Variants in CMSS1 observed in about 807,000 individuals in gnomAD.
CMSS1 encodes cms1 ribosomal small subunit homolog.
CMSS1 carries 33 observed loss-of-function variants against 43.5 expected under a neutral mutation model. The ratio of observed to expected loss-of-function variants is 0.76; its 90% confidence interval spans 0.57 to 1.01. CMSS1 has a LOEUF of 1.01. CMSS1 is among the 50% of genes least tolerant of loss of function. The pLI is 0.00. For missense variants in CMSS1, 313 were observed against 326.4 expected (o/e 0.96, Z 0.32); for synonymous variants, 115 against 117.2 (o/e 0.98, Z 0.12).
chr3:99,993,466 T>A (rs1709583526), intron 1 of CMSS1, among the ~76,000 whole-genome samples: 2 of 152,212 alleles, frequency 1.3e-5, no homozygotes, highest in South Asian at 4.1e-4. Context: ...GAATGCCTCT[T>A]ATTTCTTTCT....
chr3:100,068,623 GT>G (rs893727737), intron 1 of CMSS1, among the ~76,000 whole-genome samples: 3 of 152,032 alleles, frequency 2.0e-5, no homozygotes, highest in African/African-American at 7.2e-5. Flanking sequence ...TGAAACAATA[GT>G]TTTTTTGTTT....
intron 1 of CMSS1, among the ~76,000 whole-genome samples, chr3:99,855,970 C>A (rs370840732): frequency 7.4e-4 from 112 of 152,324 alleles, no homozygotes; most frequent in African/African-American, 2.6e-3. Context: ...AAATACATAT[C>A]CCTCTGGTAC....
rs999936582 is a variant in CMSS1 at position 99,982,345 on chromosome 3, C to CT, written c.64+164314dup. ...TCATTCACCATTAGGTAATTTTTTA[C>CT]TTTTTTTTTTTTGAGACAGGGTCTC... On this transcript the variant is annotated intron_variant, in intron 1 of 9. Coordinates refer to ENST00000421999, the MANE Select transcript of CMSS1 (RefSeq NM_032359.4). Among the ~76,000 whole-genome samples, 161 of 144,252 alleles carry CT rather than the reference C, an allele frequency of 1.1e-3. 1 individual carries two copies. Among genetic ancestry groups the CT allele is most frequent in the South Asian group, 2.9e-3 (13 of 4,542 alleles). 94.6% of individuals were successfully genotyped at this position (144,252 alleles called of 152,430 possible).
chr3:100,158,777 A>G (rs1222290451), intron 2 of CMSS1, among the ~76,000 whole-genome samples: 2 of 152,216 alleles, frequency 1.3e-5, no homozygotes, highest in Non-Finnish European at 2.9e-5. Context: ...AAGAGTCCAT[A>G]TTCTTACAAT....
At chr3:99,954,345 C>T (rs2107692654) in intron 1 of CMSS1, among the ~76,000 whole-genome samples, 1 of 152,260 alleles carries the variant, frequency 6.6e-6, no homozygotes, top group South Asian at 2.1e-4. Flanking sequence ...CACTTTGGGC[C>T]AGTATCTCAC....
At chr3:99,992,032 A>T (rs544959773) in intron 1 of CMSS1, among the ~76,000 whole-genome samples, 2 of 149,940 alleles carry the variant, frequency 1.3e-5, no homozygotes, top group African/African-American at 4.9e-5. Context: ...ATATACGTGT[A>T]TATATATATA....
chr3:99,955,504 A>T (rs1202091008), intron 1 of CMSS1, among the ~76,000 whole-genome samples: 1 of 152,246 alleles, frequency 6.6e-6, no homozygotes, highest in Non-Finnish European at 1.5e-5. Flanking sequence ...CCCAAGTTGA[A>T]TCAGGAAGCC....
chr3:99,975,858 T>C (rs1049015799), intron 1 of CMSS1, among the ~76,000 whole-genome samples: 1 of 152,200 alleles, frequency 6.6e-6, no homozygotes, highest in African/African-American at 2.4e-5. Flanking sequence ...ATATTTTCTT[T>C]GGGCTAGCAA....
intron 1 of CMSS1, among the ~76,000 whole-genome samples, chr3:99,926,230 G>A (rs989423054): frequency 7.2e-5 from 11 of 152,206 alleles, no homozygotes; most frequent in Non-Finnish European, 1.3e-4. Flanking sequence ...AGGTGTCCCA[G>A]CATATAGAAC....
At chr3:100,017,270 A>T (rs1405357920) in intron 1 of CMSS1, among the ~76,000 whole-genome samples, 1 of 152,232 alleles carries the variant, frequency 6.6e-6, no homozygotes, top group Non-Finnish European at 1.5e-5. Flanking sequence ...AGCGGAAAGC[A>T]CTAACATGTT....
chr3:99,958,649 C>G (rs1291476527), intron 1 of CMSS1, among the ~76,000 whole-genome samples: 2 of 152,092 alleles, frequency 1.3e-5, no homozygotes, highest in East Asian at 3.8e-4. Flanking sequence ...TCTTGGTACT[C>G]TTGCAGGAGA....
At chr3:99,866,994 T>C (rs1211228337) in intron 1 of CMSS1, among the ~76,000 whole-genome samples, 1 of 152,214 alleles carries the variant, frequency 6.6e-6, no homozygotes, top group East Asian at 1.9e-4. Context: ...TATGTTTTCC[T>C]TTTCAGCAAC....
In CMSS1 at chr3:100,008,233, G is replaced by GTAAC. The variant is rs1710043163; in HGVS notation, c.65-138737_65-138734dup. 2.6e-5 allele frequency among the ~76,000 whole-genome samples: 4 copies of GTAAC among 152,230 alleles called. No individual in the cohort carries two copies. In the South Asian group the frequency reaches 6.2e-4, roughly 24 times the overall value. On this transcript the variant is annotated intron_variant, in intron 1 of 9. Coordinates refer to ENST00000421999, the MANE Select transcript of CMSS1 (RefSeq NM_032359.4). ...AACTTTAAGGTCATTCCTGATAAAG[G>GTAAC]TAACTACTCCACCCCTGCTTCCCAA...
At chr3:100,057,563 A>T (rs577553086) in intron 1 of CMSS1, among the ~76,000 whole-genome samples, 13 of 152,308 alleles carry the variant, frequency 8.5e-5, no homozygotes, top group Admixed American at 3.3e-4. Flanking sequence ...TCTCTGTAAA[A>T]GTCTGCTCCC....
intron 1 of CMSS1, among the ~76,000 whole-genome samples, chr3:100,135,749 A>C (rs2066748278): frequency 6.6e-6 from 1 of 152,122 alleles, no homozygotes; most frequent in Non-Finnish European, 1.5e-5. Flanking sequence ...AGCTAGTGAC[A>C]GAAATTTTGT....
chr3:99,827,444 G>A (rs191014194), intron 1 of CMSS1, among the ~76,000 whole-genome samples: 22 of 152,138 alleles, frequency 1.4e-4, no homozygotes, highest in African/African-American at 5.1e-4. Flanking sequence ...TGCCCGCCTT[G>A]GCCTCCCAAA....
intron 1 of CMSS1, among the ~76,000 whole-genome samples, chr3:99,952,386 G>A (rs1708203411): frequency 6.6e-6 from 1 of 152,104 alleles, no homozygotes; most frequent in South Asian, 2.1e-4. Context: ...CAGTCATTAT[G>A]TCTGTTCAAG....
At chr3:99,881,392 C>A (rs73136665) in intron 1 of CMSS1, among the ~76,000 whole-genome samples, 2,578 of 152,096 alleles carry the variant, frequency 0.017, 24 homozygotes, top group East Asian at 0.025. Flanking sequence ...TGAAAAAAAA[C>A]CCCCAAATCA....
intron 1 of CMSS1, among the ~76,000 whole-genome samples, chr3:99,962,335 C>T (rs1391294913): frequency 6.6e-6 from 1 of 152,050 alleles, no homozygotes; most frequent in Admixed American, 6.6e-5. Context: ...GGGCAGTCCT[C>T]ATCAGGAAGG....
Sources: gnomAD v4.1 joint callset for allele counts (sites outside exome capture counted in the v4.1 genomes callset) on GRCh38, gnomAD v4.1.1 for gene constraint, MANE v1.5 for transcripts, NCBI Gene and HGNC (gene_info 2026-07-23, HGNC 2026-07-21) for gene names.